The following SOX5 variants were observed in gnomAD, a reference collection of about 807,000 sequenced individuals.
The protein encoded by SOX5 is transcription factor SOX-5.
Under a neutral mutation model 92.0 loss-of-function variants are expected in SOX5, and 9 were observed. The observed-to-expected ratio is 0.10, with a 90% CI of 0.06 to 0.17. SOX5 has a LOEUF of 0.17. Among genes scored for constraint, SOX5 ranks in the 10% least tolerant of loss-of-function variants. The pLI, the probability that SOX5 is intolerant of heterozygous loss-of-function variation, is 1.00. For missense variants in SOX5, 642 were observed against 944.5 expected (o/e 0.68, Z 4.20); for synonymous variants, 344 against 336.3 (o/e 1.02, Z -0.25).
At chr12:24,042,156 C>T (rs1291753869) in intron 4 of SOX5, among the ~76,000 whole-genome samples, 1 of 151,996 alleles carries the variant, frequency 6.6e-6, no homozygotes, top group East Asian at 1.9e-4. Flanking sequence ...GACCTGAATA[C>T]ATATAACATT....
At chr12:23,817,954 T>C (rs1432306928) in intron 3 of SOX5, among the ~76,000 whole-genome samples, 1 of 152,184 alleles carries the variant, frequency 6.6e-6, no homozygotes, top group Non-Finnish European at 1.5e-5. Flanking sequence ...AATGACTGAA[T>C]AGGTGATCAC....
rs1260498444 is a variant in SOX5, at chr12:24,009,110, G to T, written c.-1-113086C>A. Among the ~76,000 whole-genome samples, 3 of 152,282 alleles carry T rather than the reference G, an allele frequency of 2.0e-5. No homozygotes were observed. In the East Asian group the frequency reaches 5.8e-4, roughly 29 times the overall value. ...CCCAGCAGACATGTCAGCCATATAA[G>T]CGAAGAAGCTATCTTGGATATCCAG... On this transcript the variant is annotated intron_variant, in intron 4 of 4. Transcript: ENST00000446891.
At chr12:23,956,666 C>G (rs1160923096) in intron 4 of SOX5, among the ~76,000 whole-genome samples, 1 of 149,704 alleles carries the variant, frequency 6.7e-6, no homozygotes, top group Non-Finnish European at 1.5e-5. Context: ...CTTATTAATG[C>G]AATGGTCTTG....
At chr12:24,195,151 A>C (rs993312747) in intron 4 of SOX5, among the ~76,000 whole-genome samples, 5 of 151,698 alleles carry the variant, frequency 3.3e-5, no homozygotes, top group East Asian at 1.9e-4. Flanking sequence ...AAAAAAAAAA[A>C]CACGAGAAAA....
At chr12:24,158,447 G>T (rs889124452) in intron 4 of SOX5, among the ~76,000 whole-genome samples, 2 of 151,878 alleles carry the variant, frequency 1.3e-5, no homozygotes, top group African/African-American at 4.8e-5. Context: ...TTGAAAAAAA[G>T]TCTTAATTTT....
chr12:24,328,398 T>C (rs762311782), intron 2 of SOX5, among the ~76,000 whole-genome samples: 1 of 152,184 alleles, frequency 6.6e-6, no homozygotes, highest in Non-Finnish European at 1.5e-5. Flanking sequence ...ACTTCCTATT[T>C]TCCTACTGAA....
intron 4 of SOX5, among the ~76,000 whole-genome samples, chr12:24,093,311 G>A (rs779197911): frequency 6.6e-6 from 1 of 151,940 alleles, no homozygotes; most frequent in South Asian, 2.1e-4. Flanking sequence ...CACGAGGTCC[G>A]GAGATCGAGA....
At chr12:24,503,922 T>C (rs1948473717) in intron 1 of SOX5, among the ~76,000 whole-genome samples, 2 of 152,016 alleles carry the variant, frequency 1.3e-5, no homozygotes, top group Non-Finnish European at 2.9e-5. Context: ...TGTATACATA[T>C]GTAACAAACC....
At chr12:23,540,442 C>T (rs2135969330) in intron 13 of SOX5, among the ~76,000 whole-genome samples, 1 of 150,904 alleles carries the variant, frequency 6.6e-6, no homozygotes, top group Non-Finnish European at 1.5e-5. Context: ...CTCCTGATGA[C>T]AAAAGAGGAA....
At chr12:24,224,351 T>C (rs771386826) in intron 3 of SOX5, among the ~76,000 whole-genome samples, 42 of 152,160 alleles carry the variant, frequency 2.8e-4, no homozygotes, top group Non-Finnish European at 5.3e-4. Context: ...CTTTCTTTTT[T>C]TTTTCGCCTT....
chr12:24,034,752 CAATTTTATCTACTTTA>C (rs1955855940), intron 4 of SOX5, among the ~76,000 whole-genome samples: 2 of 152,120 alleles, frequency 1.3e-5, no homozygotes, highest in Admixed American at 1.3e-4. Flanking sequence ...ACTTACCTAA[CAATTTTATCTACTTTA>C]ATAGAATAAA....
At chr12:23,704,162 T>A (rs1454434761) in intron 6 of SOX5, among the ~76,000 whole-genome samples, 2 of 151,934 alleles carry the variant, frequency 1.3e-5, no homozygotes, top group Admixed American at 6.6e-5. Context: ...CTCCTCCCCA[T>A]CTTCTAACGC....
At chr12:23,633,603 G>A (rs2078838864) in intron 8 of SOX5, among the ~76,000 whole-genome samples, 1 of 151,886 alleles carries the variant, frequency 6.6e-6, no homozygotes, top group Admixed American at 6.6e-5. Flanking sequence ...GAGTACTTGA[G>A]GATGAAGAAG....
chr12:24,070,801 G>A (rs1009274225), intron 4 of SOX5, among the ~76,000 whole-genome samples: 3 of 152,168 alleles, frequency 2.0e-5, no homozygotes, highest in Middle Eastern at 3.2e-3. Context: ...ATCCGTTTAT[G>A]TAATCATCCT....
intron 3 of SOX5, among the ~76,000 whole-genome samples, chr12:23,797,512 G>T (rs754632780): frequency 6.6e-6 from 1 of 151,562 alleles, no homozygotes; most frequent in Non-Finnish European, 1.5e-5. Flanking sequence ...CACCCCTCTC[G>T]CCCTTCCACA....
At chr12:24,197,575 C>T (rs564231132) in intron 4 of SOX5, among the ~76,000 whole-genome samples, 1 of 152,032 alleles carries the variant, frequency 6.6e-6, no homozygotes, top group Non-Finnish European at 1.5e-5. Context: ...GAAGTGGGGG[C>T]GGGATACAGT....
At chr12:24,082,110 A>G (rs1365013948) in intron 4 of SOX5, among the ~76,000 whole-genome samples, 3 of 151,940 alleles carry the variant, frequency 2.0e-5, no homozygotes, top group African/African-American at 7.2e-5. Flanking sequence ...GAGCATGTGT[A>G]ACAAAGCAGA....
chr12:24,544,736 A>G (rs759147836), intron 1 of SOX5, among the ~76,000 whole-genome samples: 1 of 152,216 alleles, frequency 6.6e-6, no homozygotes, highest in Non-Finnish European at 1.5e-5. Flanking sequence ...TGGAGCTCAT[A>G]CTACCTCATT....
chr12:23,651,217 C>CACATATAT (rs758883853), intron 7 of SOX5, among the ~76,000 whole-genome samples: 4 of 151,876 alleles, frequency 2.6e-5, no homozygotes, highest in Non-Finnish European at 5.9e-5. Context: ...TATACATATA[C>CACATATAT]ACATATATAC....
Sources: gnomAD v4.1 joint callset for allele counts (sites outside exome capture counted in the v4.1 genomes callset) on GRCh38, gnomAD v4.1.1 for gene constraint, MANE v1.5 for transcripts, NCBI Gene and HGNC (gene_info 2026-07-23, HGNC 2026-07-21) for gene names.